The following NTF3 variants were observed in gnomAD, a reference collection of about 807,000 sequenced individuals.
NTF3 encodes the protein neurotrophin 3, also known as neurotrophin-3.
NTF3 carries 8 observed loss-of-function variants against 26.3 expected under a neutral mutation model. The observed-to-expected ratio is 0.30, with a 90% CI of 0.18 to 0.55. NTF3 has a LOEUF of 0.55. NTF3 is among the 20% of genes least tolerant of loss of function. The probability of loss-of-function intolerance (pLI) is 0.93; values close to 1 mark genes in which losing one functional copy is unlikely to be tolerated. For synonymous variants in NTF3, 154 were observed against 145.5 expected (o/e 1.06, Z -0.42); for missense variants, 276 against 352.9 (o/e 0.78, Z 1.75).
At chr12:5,435,289 G>T (rs766574688) in intron 1 of NTF3, among the ~76,000 whole-genome samples, 10 of 152,234 alleles carry the variant, frequency 6.6e-5, no homozygotes, top group Non-Finnish European at 1.3e-4. Context: ...CCTACTGGAT[G>T]CTCAGCCCAT....
In NTF3 at chr12:5,456,068, A is replaced by G. The variant is rs1431774094; in HGVS notation, c.18+23726A>G. ...TGCTTATCTGTGACTTCTTCCTCCA[A>G]GCATGTCCGGACCTCCAGTCAATGG... On this transcript the variant is annotated intron_variant, in intron 1 of 1. Coordinates refer to ENST00000423158, the MANE Select transcript of NTF3 (RefSeq NM_001102654.2). The surrounding 1 kb of genome is among the most constrained non-coding windows in gnomAD (Gnocchi z 4.4). 6.6e-6 allele frequency among the ~76,000 whole-genome samples: 1 copy of G among 152,182 alleles called. No individual in the cohort carries two copies. The highest frequency in any genetic ancestry group is 1.9e-4 in the East Asian group (1 of 5,174).
At chr12:5,446,977 G>A (rs1296177474) in intron 1 of NTF3, among the ~76,000 whole-genome samples, 1 of 152,206 alleles carries the variant, frequency 6.6e-6, no homozygotes, top group African/African-American at 2.4e-5. Flanking sequence ...GTGGGCAGCG[G>A]GGTGGAGACA....
intron 1 of NTF3, among the ~76,000 whole-genome samples, chr12:5,435,601 G>A (rs1940157636): frequency 6.6e-6 from 1 of 152,174 alleles, no homozygotes; most frequent in African/African-American, 2.4e-5. Flanking sequence ...CTGGGAATTG[G>A]AGGGTGCTGC....
At chr12:5,492,599 G>A (rs1349859398) in intron 1 of NTF3, among the ~76,000 whole-genome samples, 1 of 152,214 alleles carries the variant, frequency 6.6e-6, no homozygotes, top group Non-Finnish European at 1.5e-5. Flanking sequence ...CTCTAAGGGT[G>A]AGCAGCAAAG....
chr12:5,489,887 A>C (rs376371508), intron 1 of NTF3, among the ~76,000 whole-genome samples: 17 of 152,336 alleles, frequency 1.1e-4, no homozygotes, highest in Middle Eastern at 3.4e-3. Flanking sequence ...GCCAAAAAGG[A>C]GGAATCAGAA....
rs758546463 is a variant in NTF3, at chr12:5,494,615, C to T, written c.440C>T (p.Ser147Leu). 2 of 1,613,950 alleles carry T rather than the reference C, an allele frequency of 1.2e-6. No homozygotes were observed. The highest frequency in any genetic ancestry group is 1.7e-6 in the Non-Finnish European group (2 of 1,180,032). The change falls in exon 2 of 2, where the codon TCA becomes TTA. Residue 147 changes from serine (S) to leucine (L), a missense_variant. Around this residue, in one of 3 missense-constraint regions of NTF3, gnomAD observed 221 missense variants for 258.2 expected, o/e 0.86. Coordinates refer to ENST00000423158, the MANE Select transcript of NTF3 (RefSeq NM_001102654.2). This position sits in a 1 kb window ranked among gnomAD's most constrained non-coding sequence, Gnocchi z 8.3. ...AGCCCCGTGGTGGCGAACAGAACAT[C>T]ACGGCGGAAACGGTACGCGGAGCAT... The part of the protein sequence containing the change: ...VGSPVVANRT[S>L]RRKRYAEHKS...
chr12:5,479,695 ACTCCATCT>A (rs1940763980), intron 1 of NTF3, among the ~76,000 whole-genome samples: 1 of 151,902 alleles, frequency 6.6e-6, no homozygotes, highest in South Asian at 2.1e-4. Flanking sequence ...AGTTTTCCTA[ACTCCATCT>A]CTCCCCAAAA....
At chr12:5,483,171 TTCTC>T (rs562390652) in intron 1 of NTF3, among the ~76,000 whole-genome samples, 198 of 151,182 alleles carry the variant, frequency 1.3e-3, no homozygotes, top group African/African-American at 4.7e-3. Context: ...CTCTATCTCT[TTCTC>T]TCTCTCCCAG....
chr12:5,459,440 A>G (rs1940497082), intron 1 of NTF3, among the ~76,000 whole-genome samples: 1 of 152,208 alleles, frequency 6.6e-6, no homozygotes, highest in African/African-American at 2.4e-5. Flanking sequence ...CCCCTGCTAG[A>G]GTGACACACT....
At chr12:5,434,744 G>A (rs1164897140) in intron 1 of NTF3, among the ~76,000 whole-genome samples, 1 of 152,046 alleles carries the variant, frequency 6.6e-6, no homozygotes, top group Admixed American at 6.6e-5. Flanking sequence ...TGGAGTGGGT[G>A]TGGTGTAGGA....
intron 1 of NTF3, among the ~76,000 whole-genome samples, chr12:5,468,987 G>T (rs1252945994): frequency 6.6e-6 from 1 of 152,114 alleles, no homozygotes; most frequent in Non-Finnish European, 1.5e-5. Flanking sequence ...CTGGCTTGGG[G>T]TTGCACACCT....
rs1449028875 is a variant in NTF3 at position 5,439,532 on chromosome 12, GT to G, written c.18+7193del. Among the ~76,000 whole-genome samples the G allele has an allele frequency of 6.6e-5, 10 of 152,216 alleles. 1 individual carries two copies. Among genetic ancestry groups the G allele is most frequent in the Non-Finnish European group, 1.3e-4 (9 of 68,038 alleles). ...CCTCCTTGTCATGTGCAAGACAAATGTTTAGGTTTTCTAGCCACCTGCTGGC... is the reference window on the plus strand; with the variant it reads ...CCTCCTTGTCATGTGCAAGACAAATGTTAGGTTTTCTAGCCACCTGCTGGC... On this transcript the variant is annotated intron_variant, in intron 1 of 1. Transcript: ENST00000423158.
At position 5,495,201 on chromosome 12, in the gene NTF3, G is replaced by A. The variant is rs1940993768; in HGVS notation, c.*213G>A. 1.4e-5 allele frequency: 8 copies of A among 557,718 alleles called. No homozygotes were observed. Among genetic ancestry groups the A allele is most frequent in the Non-Finnish European group, 2.2e-5 (7 of 313,376 alleles). 34.5% of individuals were successfully genotyped at this position (557,718 alleles called of 1,614,324 possible). A position where few individuals can be genotyped will look rare whatever the true frequency, so the allele number is the denominator to read the frequency against. ...TCTGTTAAAACTTGTTTTGTGATCC[G>A]GCTCTCAGGAGTCACTCTGTAAAAT... On this transcript the variant is annotated 3_prime_UTR_variant, in exon 2 of 2. Coordinates refer to ENST00000423158, the MANE Select transcript of NTF3 (RefSeq NM_001102654.2).
chr12:5,493,015 T>C (rs1940958083), intron 1 of NTF3, among the ~76,000 whole-genome samples: 1 of 152,204 alleles, frequency 6.6e-6, no homozygotes, highest in Non-Finnish European at 1.5e-5. Flanking sequence ...TGTACCCCCC[T>C]GGGAGCCAGT....
chr12:5,437,555 T>C (rs1262859771), intron 1 of NTF3, among the ~76,000 whole-genome samples: 2 of 152,112 alleles, frequency 1.3e-5, no homozygotes, highest in Admixed American at 1.3e-4. Flanking sequence ...CTGGAGGGAA[T>C]GCAAGTCTGT....
chr12:5,468,767 C>T (rs576702380), intron 1 of NTF3, among the ~76,000 whole-genome samples: 5 of 152,212 alleles, frequency 3.3e-5, no homozygotes, highest in South Asian at 2.1e-4. Flanking sequence ...GGGATGATCT[C>T]CCCCCACCAA....
upstream of NTF3, chr12:5,432,037 G>A (rs1210973453): frequency 1.5e-5 from 4 of 272,448 alleles, no homozygotes; most frequent in African/African-American, 2.3e-5. Context: ...GCGCGGAAGG[G>A]GTTAAGGCGC....
intron 1 of NTF3, among the ~76,000 whole-genome samples, chr12:5,432,972 T>TG (rs1328890755): frequency 6.6e-6 from 1 of 152,032 alleles, no homozygotes; most frequent in Admixed American, 6.5e-5. Context: ...GGGCGTGGGC[T>TG]GGGGGGAGGG....
intron 1 of NTF3, among the ~76,000 whole-genome samples, chr12:5,467,262 A>AAAAAC (rs1940603809): frequency 1.5e-5 from 2 of 132,810 alleles, no homozygotes; most frequent in Admixed American, 7.9e-5. Flanking sequence ...AAAAAAAAAA[A>AAAAAC]AGTCGGGGGC....
Sources: gnomAD v4.1 joint callset for allele counts (sites outside exome capture counted in the v4.1 genomes callset) on GRCh38, gnomAD v4.1.1 for gene constraint, gnomAD v4.1.1 regional missense constraint, Gnocchi (gnomAD v3.1) non-coding constraint, MANE v1.5 for transcripts, NCBI Gene and HGNC (gene_info 2026-07-23, HGNC 2026-07-21) for gene names.